Variants in RNF150 observed in about 807,000 individuals in gnomAD.
RNF150 encodes ring finger protein 150.
Under a neutral mutation model 39.3 loss-of-function variants are expected in RNF150, and 24 were observed. That is an observed-to-expected ratio of 0.61 (90% CI 0.44 to 0.86). The LOEUF is 0.86. RNF150 is among the 40% of genes least tolerant of loss of function. RNF150 has a pLI of 0.00. For synonymous variants in RNF150, 255 were observed against 227.3 expected, an observed-to-expected ratio of 1.12 and a Z score of -1.10; for missense variants, 502 against 587.8, an observed-to-expected ratio of 0.85 and a Z score of 1.51.
intron 1 of RNF150, among the ~76,000 whole-genome samples, chr4:141,097,805 G>A (rs1373692416): frequency 6.6e-6 from 1 of 151,252 alleles, no homozygotes; most frequent in Admixed American, 6.6e-5. Flanking sequence ...TATTTTTTAC[G>A]GTAGTTTTTT....
chr4:141,019,123 T>C (rs4383693), intron 1 of RNF150, among the ~76,000 whole-genome samples: 56,674 of 144,866 alleles, frequency 0.39, 12,227 homozygotes, highest in Non-Finnish European at 0.46. Flanking sequence ...TGCATAGCAA[T>C]GAATAAAATG....
At chr4:141,108,065 G>A (rs1214055758) in intron 1 of RNF150, among the ~76,000 whole-genome samples, 1 of 152,154 alleles carries the variant, frequency 6.6e-6, no homozygotes, top group Non-Finnish European at 1.5e-5. Context: ...CTCTCCTACA[G>A]TGGAGATGTC....
At chr4:140,985,403 C>A (rs905934737) in intron 1 of RNF150, among the ~76,000 whole-genome samples, 2 of 152,158 alleles carry the variant, frequency 1.3e-5, no homozygotes, top group Non-Finnish European at 2.9e-5. Context: ...TCTTCCACCT[C>A]TGACCTTATG....
chr4:141,061,327 A>T (rs1050584249), intron 1 of RNF150, among the ~76,000 whole-genome samples: 5 of 152,132 alleles, frequency 3.3e-5, no homozygotes, highest in Admixed American at 2.0e-4. Context: ...TCAGAAAGCA[A>T]TTCTGAGCTA....
intron 1 of RNF150, among the ~76,000 whole-genome samples, chr4:141,163,951 A>G (rs915020656): frequency 2.0e-5 from 3 of 152,140 alleles, no homozygotes; most frequent in Non-Finnish European, 4.4e-5. Context: ...ATGGAGAATG[A>G]GTTTGACGAA....
chr4:141,110,325 G>A (rs781745950), intron 1 of RNF150, among the ~76,000 whole-genome samples: 2 of 152,148 alleles, frequency 1.3e-5, no homozygotes, highest in Non-Finnish European at 2.9e-5. Context: ...TTTAAAGGAT[G>A]AGAACTGCTC....
At chr4:140,909,301 T>C (rs1296311355) in intron 6 of RNF150, among the ~76,000 whole-genome samples, 1 of 152,212 alleles carries the variant, frequency 6.6e-6, no homozygotes, top group Non-Finnish European at 1.5e-5. Context: ...ACTAGCCATA[T>C]GTGATTACTA....
chr4:141,167,606 T>C (rs1560766218), intron 1 of RNF150, among the ~76,000 whole-genome samples: 1 of 152,042 alleles, frequency 6.6e-6, no homozygotes. Context: ...TATAGACCAA[T>C]GGAAGAGAAC....
intron 1 of RNF150, among the ~76,000 whole-genome samples, chr4:141,021,592 G>A (rs1724513096): frequency 1.3e-5 from 2 of 152,142 alleles, no homozygotes; most frequent in Non-Finnish European, 2.9e-5. Flanking sequence ...GGGTAATCTC[G>A]TGCCTGCAAA....
intron 1 of RNF150, among the ~76,000 whole-genome samples, chr4:141,015,794 C>T (rs1735248482): frequency 6.6e-6 from 1 of 152,122 alleles, no homozygotes; most frequent in South Asian, 2.1e-4. Flanking sequence ...ATGACATGGT[C>T]AAAGAACTGT....
intron 1 of RNF150, among the ~76,000 whole-genome samples, chr4:141,000,025 AG>A (rs1427207093): frequency 0.11 from 4,337 of 39,544 alleles, 862 homozygotes; most frequent in Admixed American, 0.18. Context: ...AAGAAGAAGA[AG>A]AAGAAGAAGA....
At chr4:141,073,807 T>G (rs1737794510) in intron 1 of RNF150, among the ~76,000 whole-genome samples, 1 of 151,928 alleles carries the variant, frequency 6.6e-6, no homozygotes, top group Admixed American at 6.6e-5. Context: ...TGACAGAAAA[T>G]TAAGTCTTAC....
At chr4:141,027,630 TA>T (rs904205121) in intron 1 of RNF150, among the ~76,000 whole-genome samples, 1 of 152,160 alleles carries the variant, frequency 6.6e-6, no homozygotes, top group Non-Finnish European at 1.5e-5. Flanking sequence ...GTCTGGCCTA[TA>T]AAAATCTCTC....
At chr4:140,889,431 A>AT (rs757258046) in intron 6 of RNF150, among the ~76,000 whole-genome samples, 3 of 152,174 alleles carry the variant, frequency 2.0e-5, no homozygotes, top group Non-Finnish European at 4.4e-5. Context: ...TCCCACTTAT[A>AT]AAACCAAGTC....
chr4:141,172,116 C>G (rs1232387106), intron 1 of RNF150, among the ~76,000 whole-genome samples: 2 of 152,160 alleles, frequency 1.3e-5, no homozygotes, highest in African/African-American at 2.4e-5. Context: ...TTATTTTTCC[C>G]TCATGAGTTT....
chr4:140,951,715 A>C (rs1427441296), intron 2 of RNF150, among the ~76,000 whole-genome samples: 1 of 151,930 alleles, frequency 6.6e-6, no homozygotes, highest in Non-Finnish European at 1.5e-5. Context: ...CCATTGAAGG[A>C]CCCCGGGGCA....
chr4:140,890,550 C>T (rs529587207), intron 6 of RNF150, among the ~76,000 whole-genome samples: 7 of 152,034 alleles, frequency 4.6e-5, no homozygotes, highest in Non-Finnish European at 1.0e-4. Context: ...TTGGGGTGCC[C>T]ATGATAGGAT....
chr4:140,920,800 A>G (rs1731089676), intron 5 of RNF150, among the ~76,000 whole-genome samples: 1 of 151,634 alleles, frequency 6.6e-6, no homozygotes. Context: ...ATGTCCAACA[A>G]TGATAGACTG....
At chr4:141,078,797 A>T (rs1249319360) in intron 1 of RNF150, among the ~76,000 whole-genome samples, 1 of 74,600 alleles carries the variant, frequency 1.3e-5, no homozygotes, top group Admixed American at 1.7e-4. Flanking sequence ...CTCAAAAAAA[A>T]AAAAAAAAAA....
Sources: gnomAD v4.1 joint callset for allele counts (sites outside exome capture counted in the v4.1 genomes callset) on GRCh38, gnomAD v4.1.1 for gene constraint, MANE v1.5 for transcripts, NCBI Gene and HGNC (gene_info 2026-07-23, HGNC 2026-07-21) for gene names.